FMNL2: variants seen among roughly 807,000 people sequenced by gnomAD.
The protein encoded by FMNL2 is formin-like protein 2.
A neutral mutation model predicts 130.2 loss-of-function variants in FMNL2; 51 were observed. The observed-to-expected ratio is 0.39, with a 90% CI of 0.31 to 0.49. The LOEUF (loss-of-function observed/expected upper bound fraction) is 0.49. Ranked by LOEUF, FMNL2 falls within the 20% of genes least tolerant of loss-of-function variation. FMNL2 has a pLI of 0.85. For missense variants in FMNL2, 977 were observed against 1,316.2 expected (o/e 0.74, Z 3.99); for synonymous variants, 465 against 467.1 (o/e 1.00, Z 0.06).
chr2:152,628,253 A>G (rs1681930938), intron 17 of FMNL2, 46 bp from the exon 18 acceptor site: 1 of 1,504,978 alleles, frequency 6.6e-7, no homozygotes. Flanking sequence ...AAAAGGGGGT[A>G]GGAGGTTTTT....
intron 1 of FMNL2, among the ~76,000 whole-genome samples, chr2:152,418,465 C>T (rs926214182): frequency 6.6e-6 from 1 of 152,070 alleles, no homozygotes; most frequent in Admixed American, 6.6e-5. Context: ...TTCATTCCCC[C>T]CACCCCTTCC....
chr2:152,489,227 CA>C (rs1691007886), intron 1 of FMNL2, among the ~76,000 whole-genome samples: 1 of 150,878 alleles, frequency 6.6e-6, no homozygotes, highest in Non-Finnish European at 1.5e-5. Context: ...AAAACAAGAA[CA>C]AAGTAATTCC....
At chr2:152,643,390 G>A in intron 25 of FMNL2, 1 of 1,535,340 alleles carries the variant, frequency 6.5e-7, no homozygotes, top group Non-Finnish European at 8.7e-7. Context: ...TCTTCTGTTT[G>A]TGTTGTTTGG....
chr2:152,356,006 G>T (rs1382826151), intron 1 of FMNL2, among the ~76,000 whole-genome samples: 1 of 152,198 alleles, frequency 6.6e-6, no homozygotes, highest in African/African-American at 2.4e-5. Context: ...ATGCACTCTT[G>T]TTAAAAATAA....
At chr2:152,636,671 G>A (rs1450372928) in intron 22 of FMNL2, 81 bp downstream of exon 22, 2 of 1,445,912 alleles carry the variant, frequency 1.4e-6, no homozygotes, top group Non-Finnish European at 1.8e-6. Flanking sequence ...TATTTGGGGA[G>A]AAATGTTCCA....
chr2:152,570,412 C>G lies in FMNL2; in HGVS notation c.597-4724C>G, dbSNP rs1696110221. ...CTGTTAGTTTCCGTACAAAATCAGCCCTAGATATCCCTTCCCTATTGTATT... is the reference window on the plus strand; with the variant it reads ...CTGTTAGTTTCCGTACAAAATCAGCGCTAGATATCCCTTCCCTATTGTATT... On this transcript the variant is annotated intron_variant, in intron 6 of 25. Transcript: ENST00000288670. Among the ~76,000 whole-genome samples, 3 of 152,090 alleles carry G rather than the reference C, an allele frequency of 2.0e-5. No individual in the cohort carries two copies. In the South Asian group the frequency reaches 6.2e-4, roughly 32 times the overall value.
At chr2:152,403,222 G>GAA (rs58474447) in intron 1 of FMNL2, among the ~76,000 whole-genome samples, 1 of 116,676 alleles carries the variant, frequency 8.6e-6, no homozygotes, top group Non-Finnish European at 1.9e-5. Context: ...ACTGTAAACT[G>GAA]AAAAAAAAAA....
intron 1 of FMNL2, among the ~76,000 whole-genome samples, chr2:152,423,790 G>T (rs1411841032): frequency 6.6e-6 from 1 of 152,122 alleles, no homozygotes; most frequent in Non-Finnish European, 1.5e-5. Flanking sequence ...TTGGGGGTTG[G>T]GGGTGTCTGT....
chr2:152,568,218 G>GTTTTTTTTTTTTTTTTTTTTTTTTT lies in FMNL2; in HGVS notation c.597-6903_597-6902insTTTTTTTTTTTTTTTTTTTTTTTTT, dbSNP rs1177965681. ...TGAGCAACGGCTTCCATTTTGGTGG[G>GTTTTTTTTTTTTTTTTTTTTTTTTT]TTTTTTTTTTTTTTTGAGACGGAGT... On this transcript the variant is annotated intron_variant, in intron 6 of 25. Coordinates refer to ENST00000288670, the MANE Select transcript of FMNL2 (RefSeq NM_052905.4). Among the ~76,000 whole-genome samples, 48 of 34,846 alleles carry GTTTTTTTTTTTTTTTTTTTTTTTTT rather than the reference G, an allele frequency of 1.4e-3. 2 individuals carry two copies. Among genetic ancestry groups the GTTTTTTTTTTTTTTTTTTTTTTTTT allele is most frequent in the African/African-American group, 3.6e-3 (43 of 11,884 alleles). 22.9% of individuals were successfully genotyped at this position (34,846 alleles called of 152,430 possible).
intron 1 of FMNL2, among the ~76,000 whole-genome samples, chr2:152,398,655 AT>A (rs1158179070): frequency 6.6e-6 from 1 of 152,202 alleles, no homozygotes; most frequent in African/African-American, 2.4e-5. Context: ...CCATGTGTAC[AT>A]TTTATCTGGC....
rs191661281 is a variant in FMNL2, at chr2:152,619,149, C to T, written c.1618C>T (p.Pro540Ser). 4.7e-3 allele frequency: 7,290 copies of T among 1,559,378 alleles called. 19 individuals carry two copies. The highest frequency in any genetic ancestry group is 5.6e-3 in the Non-Finnish European group (6,450 of 1,156,622). Residue 540 changes from proline to serine, a missense_variant, in exon 14 of 26, where the codon CCT becomes TCT. Physicochemically the swap from Pro to Ser is moderately conservative, Grantham distance 74. This residue lies in a region of FMNL2 where 689 missense variants were observed against 995.9 expected (regional missense o/e 0.69). Transcript: ENST00000288670. ...PPPLPPSSDT[P>S]ETVQNGPVTP... ...ACCACTGCCTCCCTCATCAGACACA[C>T]CTGAAACAGGTAAGAAGCCTTGGCA... is the stretch of plus-strand genomic sequence containing the variant.
chr2:152,595,723 ATATT>A (rs1697729416), intron 9 of FMNL2, among the ~76,000 whole-genome samples: 2 of 152,090 alleles, frequency 1.3e-5, no homozygotes. Flanking sequence ...TGTGTTCTAT[ATATT>A]TTTTTTCCCA....
intron 1 of FMNL2, among the ~76,000 whole-genome samples, chr2:152,519,288 A>G (rs1419797955): frequency 2.6e-5 from 4 of 152,212 alleles, no homozygotes; most frequent in African/African-American, 7.2e-5. Flanking sequence ...TCTCCCCACC[A>G]TAACACAGTG....
chr2:152,482,982 A>T (rs1299673253), intron 1 of FMNL2, among the ~76,000 whole-genome samples: 1 of 152,152 alleles, frequency 6.6e-6, no homozygotes, highest in Admixed American at 6.5e-5. Context: ...CTGTGATTAC[A>T]GGCTCACTGG....
chr2:152,375,557 A>G (rs1037703631), intron 1 of FMNL2, among the ~76,000 whole-genome samples: 2 of 152,182 alleles, frequency 1.3e-5, no homozygotes, highest in Non-Finnish European at 2.9e-5. Context: ...GGTCTTTCTG[A>G]TACCTCATCT....
intron 1 of FMNL2, among the ~76,000 whole-genome samples, chr2:152,498,915 A>C (rs931498832): frequency 7.2e-5 from 11 of 152,202 alleles, no homozygotes; most frequent in African/African-American, 2.2e-4. Flanking sequence ...GTCCCCCTTC[A>C]ACTTAATTAG....
chr2:152,601,201 T>A (rs1405707826), intron 9 of FMNL2, among the ~76,000 whole-genome samples: 1 of 152,160 alleles, frequency 6.6e-6, no homozygotes, highest in East Asian at 1.9e-4. Context: ...AGCCCCTGAC[T>A]TGGAATTCCC....
intron 1 of FMNL2, among the ~76,000 whole-genome samples, chr2:152,519,713 A>G (rs1235245189): frequency 6.6e-6 from 1 of 152,198 alleles, no homozygotes; most frequent in Non-Finnish European, 1.5e-5. Context: ...CCTATGTTAA[A>G]TGGAGAAGAT....
At chr2:152,446,449 T>C (rs191621347) in intron 1 of FMNL2, among the ~76,000 whole-genome samples, 4 of 152,314 alleles carry the variant, frequency 2.6e-5, no homozygotes, top group Non-Finnish European at 4.4e-5. Flanking sequence ...ATGTTGATGA[T>C]TGTTGAAGTA....
Sources: gnomAD v4.1 joint callset for allele counts (sites outside exome capture counted in the v4.1 genomes callset) on GRCh38, gnomAD v4.1.1 for gene constraint, gnomAD v4.1.1 regional missense constraint, MANE v1.5 for transcripts, NCBI Gene and HGNC (gene_info 2026-07-23, HGNC 2026-07-21) for gene names.